The following RBFOX1 variants were observed in gnomAD, a reference collection of about 807,000 sequenced individuals.
RBFOX1 encodes the protein RNA binding protein fox-1 homolog 1.
In RBFOX1, 8 loss-of-function variants were observed where a neutral mutation model predicts 57.7. The observed-to-expected ratio is 0.14, with a 90% CI of 0.08 to 0.25. RBFOX1 has a LOEUF of 0.25. Among genes scored for constraint, RBFOX1 ranks in the 10% least tolerant of loss-of-function variants. The probability of loss-of-function intolerance (pLI) is 1.00; values close to 1 mark genes in which losing one functional copy is unlikely to be tolerated. For missense variants in RBFOX1, 611 were observed against 548.5 expected, an observed-to-expected ratio of 1.11 and a Z score of -1.14; for synonymous variants, 326 against 222.4, an observed-to-expected ratio of 1.47 and a Z score of -4.15.
rs542983224 is a variant in RBFOX1 at position 6,820,723 on chromosome 16, A to C, written c.-16+166073A>C. On this transcript the variant is annotated intron_variant, in intron 3 of 15. Transcript: ENST00000550418. Reference sequence around the variant, plus strand: ...AACTGCAGTGCATTCTCATTCTTAGAAGATTTTTTAAGAGCCTCTATAGGC... The same window carrying C: ...AACTGCAGTGCATTCTCATTCTTAGCAGATTTTTTAAGAGCCTCTATAGGC... Among the ~76,000 whole-genome samples, 4 of 152,254 alleles carry C rather than the reference A, an allele frequency of 2.6e-5. No homozygotes were observed. The East Asian group carries it at 7.7e-4, about 29-fold the overall frequency.
intron 2 of RBFOX1, among the ~76,000 whole-genome samples, chr16:5,569,941 A>T (rs1031673561): frequency 6.6e-6 from 1 of 152,232 alleles, no homozygotes; most frequent in Non-Finnish European, 1.5e-5. Context: ...TATCATAAAG[A>T]TTAAAAACCC....
At chr16:6,521,014 C>CA (rs1314875046) in intron 2 of RBFOX1, among the ~76,000 whole-genome samples, 1 of 152,002 alleles carries the variant, frequency 6.6e-6, no homozygotes, top group East Asian at 1.9e-4. Context: ...GGTAATTTGT[C>CA]AATTTATATC....
At chr16:6,854,169 G>C (rs1382957647) in intron 3 of RBFOX1, among the ~76,000 whole-genome samples, 2 of 152,114 alleles carry the variant, frequency 1.3e-5, no homozygotes, top group African/African-American at 4.8e-5. Flanking sequence ...ACGTTTATTA[G>C]TTTCAATAAC....
chr16:5,889,609 G>A (rs1053621614), intron 4 of RBFOX1, among the ~76,000 whole-genome samples: 9 of 152,124 alleles, frequency 5.9e-5, no homozygotes, highest in Admixed American at 3.3e-4. Context: ...TCACACTTTT[G>A]GGCACTGAGG....
intron 4 of RBFOX1, among the ~76,000 whole-genome samples, chr16:7,225,055 G>C (rs1393326951): frequency 6.6e-6 from 1 of 152,216 alleles, no homozygotes; most frequent in African/African-American, 2.4e-5. Context: ...GTTAAATAAA[G>C]TGATATGTTT....
chr16:5,633,159 G>A (rs563699476), intron 3 of RBFOX1, among the ~76,000 whole-genome samples: 87 of 151,992 alleles, frequency 5.7e-4, no homozygotes, highest in East Asian at 1.8e-3. Context: ...GGCTGGTCTC[G>A]AACTCCTGAC....
chr16:5,252,528 G>A (rs1279084459), intron 1 of RBFOX1, among the ~76,000 whole-genome samples: 1 of 152,158 alleles, frequency 6.6e-6, no homozygotes, highest in Admixed American at 6.5e-5. Flanking sequence ...GTGCCAGGAT[G>A]GAGATGGACA....
chr16:6,562,234 A>C (rs1204218397), intron 2 of RBFOX1, among the ~76,000 whole-genome samples: 1 of 152,224 alleles, frequency 6.6e-6, no homozygotes, highest in African/African-American at 2.4e-5. Context: ...TCAGTGATTT[A>C]ACCACTTTAA....
chr16:6,712,465 C>T (rs1443392058), intron 3 of RBFOX1, among the ~76,000 whole-genome samples: 2 of 152,148 alleles, frequency 1.3e-5, no homozygotes, highest in Non-Finnish European at 2.9e-5. Context: ...TTCCTCTCAT[C>T]TCCCGAGGAC....
intron 1 of RBFOX1, among the ~76,000 whole-genome samples, chr16:6,220,972 ATG>A (rs58769581): frequency 1.5e-4 from 22 of 149,386 alleles, no homozygotes; most frequent in South Asian, 4.2e-4. Context: ...GTGTGTGTGT[ATG>A]TGTGTGTGTG....
intron 11 of RBFOX1, among the ~76,000 whole-genome samples, chr16:7,646,966 G>C (rs184589331): frequency 6.6e-6 from 1 of 152,266 alleles, no homozygotes; most frequent in Admixed American, 6.5e-5. Context: ...TTGAGGGGGA[G>C]ACAGGCAGTT....
chr16:6,887,563 T>C (rs1012226532), intron 3 of RBFOX1, among the ~76,000 whole-genome samples: 6 of 152,114 alleles, frequency 3.9e-5, no homozygotes, highest in African/African-American at 1.4e-4. Flanking sequence ...ACATATACTT[T>C]TTTTTTTCCT....
At chr16:6,799,160 C>T (rs936263900) in intron 3 of RBFOX1, among the ~76,000 whole-genome samples, 3 of 151,998 alleles carry the variant, frequency 2.0e-5, no homozygotes, top group African/African-American at 7.2e-5. Flanking sequence ...CTTAGCTTTG[C>T]TCAGGAAAGA....
chr16:6,563,443 T>C (rs971662981), intron 2 of RBFOX1, among the ~76,000 whole-genome samples: 2 of 152,276 alleles, frequency 1.3e-5, no homozygotes, highest in African/African-American at 4.8e-5. Context: ...GTATAAGTTA[T>C]TGAGATGTAA....
rs2094229007 is a variant in RBFOX1, at chr16:7,588,150, G to A, written c.468+850G>A. Among the ~76,000 whole-genome samples the A allele has an allele frequency of 2.0e-5, 3 of 152,186 alleles. No individual in the cohort carries two copies. The South Asian group carries it at 6.2e-4, about 32-fold the overall frequency. ...GCTGAGATTGCACCACTGCACCACA[G>A]CCTCGGTGAACAGAGCAAGATCCTA... On this transcript the variant is annotated intron_variant, in intron 7 of 15. Coordinates refer to ENST00000550418, the MANE Select transcript of RBFOX1 (RefSeq NM_018723.4).
At chr16:7,416,883 C>A (rs1457391544) in intron 4 of RBFOX1, among the ~76,000 whole-genome samples, 2 of 152,192 alleles carry the variant, frequency 1.3e-5, no homozygotes, top group African/African-American at 2.4e-5. Flanking sequence ...CGACAACAAC[C>A]CTCTGAAGGA....
intron 3 of RBFOX1, among the ~76,000 whole-genome samples, chr16:6,944,225 T>A (rs2079057374): frequency 6.6e-6 from 1 of 151,512 alleles, no homozygotes; most frequent in African/African-American, 2.4e-5. Flanking sequence ...TGAAACCCTT[T>A]CTCTACTAAA....
intron 1 of RBFOX1, among the ~76,000 whole-genome samples, chr16:5,364,872 C>G (rs529422589): frequency 9.2e-5 from 14 of 152,114 alleles, no homozygotes; most frequent in Non-Finnish European, 1.9e-4. Context: ...TGGACCCCAT[C>G]TGTGAAACGC....
intron 2 of RBFOX1, among the ~76,000 whole-genome samples, chr16:6,457,496 A>G (rs891666055): frequency 6.8e-6 from 1 of 146,624 alleles, no homozygotes; most frequent in Non-Finnish European, 1.5e-5. Flanking sequence ...TCCATGATAC[A>G]CTGTGAATTA....
Sources: allele counts gnomAD v4.1 joint callset (sites outside exome capture counted in the v4.1 genomes callset), GRCh38; gene constraint gnomAD v4.1.1; transcripts MANE v1.5; gene names NCBI Gene and HGNC (gene_info 2026-07-23, HGNC 2026-07-21).